Variants in DDX4 observed in about 807,000 individuals in gnomAD.
DDX4 encodes DEAD-box helicase 4.
In DDX4, 25 loss-of-function variants were observed where a neutral mutation model predicts 100.0. That is an observed-to-expected ratio of 0.25 (90% CI 0.18 to 0.35). The LOEUF (loss-of-function observed/expected upper bound fraction) is 0.35. Ranked by LOEUF, DDX4 falls within the 10% of genes least tolerant of loss-of-function variation. DDX4 has a pLI of 1.00. For missense variants in DDX4, 635 were observed against 882.4 expected (o/e 0.72, Z 3.55); for synonymous variants, 259 against 275.7 (o/e 0.94, Z 0.60).
chr5:55,776,119 C>CA (rs1232699741), intron 7 of DDX4, among the ~76,000 whole-genome samples: 3 of 151,476 alleles, frequency 2.0e-5, no homozygotes, highest in South Asian at 2.1e-4. Context: ...GACTCTGTCT[C>CA]AAAAAACAAA....
At chr5:55,808,717 G>C (rs1304091369) in intron 18 of DDX4, among the ~76,000 whole-genome samples, 1 of 152,250 alleles carries the variant, frequency 6.6e-6, no homozygotes, top group African/African-American at 2.4e-5. Flanking sequence ...TGAGGTGTCA[G>C]TCTGCCCCTA....
At chr5:55,769,820 C>G (rs954580129) in intron 7 of DDX4, among the ~76,000 whole-genome samples, 3 of 151,826 alleles carry the variant, frequency 2.0e-5, no homozygotes, top group African/African-American at 7.3e-5. Flanking sequence ...AACCAGATAC[C>G]TAGACCAGTG....
intron 10 of DDX4, among the ~76,000 whole-genome samples, chr5:55,782,798 CTTT>C (rs1274012590): frequency 1.5e-5 from 2 of 137,564 alleles, no homozygotes; most frequent in Admixed American, 7.2e-5. Context: ...TTTTTCTTTT[CTTT>C]TTTTTTTTTT....
chr5:55,745,536 C>G (rs894439418), intron 2 of DDX4, among the ~76,000 whole-genome samples: 1 of 152,154 alleles, frequency 6.6e-6, no homozygotes, highest in Non-Finnish European at 1.5e-5. Flanking sequence ...AACCTCCCAT[C>G]TCAGCCTCCC....
chr5:55,784,683 A>C (rs1742138876), intron 10 of DDX4, among the ~76,000 whole-genome samples: 2 of 152,026 alleles, frequency 1.3e-5, no homozygotes, highest in African/African-American at 4.8e-5. Flanking sequence ...TGCCAGGCAG[A>C]AGGTGAGTAC....
chr5:55,764,378 A>G (rs1464564445), intron 6 of DDX4, among the ~76,000 whole-genome samples: 1 of 152,204 alleles, frequency 6.6e-6, no homozygotes, highest in Non-Finnish European at 1.5e-5. Context: ...CTATATAAAT[A>G]CAGTTTGTGA....
chr5:55,780,097 A>G (rs1197193247), intron 8 of DDX4, 32 bp downstream of exon 8: 3 of 1,609,610 alleles, frequency 1.9e-6, no homozygotes, highest in Non-Finnish European at 1.7e-6. Context: ...GATGTGCTTC[A>G]TTAACTGTTA....
At chr5:55,766,894 G>A (rs369956247) in intron 6 of DDX4, 34 of 1,515,248 alleles carry the variant, frequency 2.2e-5, no homozygotes, top group East Asian at 2.0e-4. Flanking sequence ...TTTACATTTC[G>A]AAAAATCATT....
intron 18 of DDX4, among the ~76,000 whole-genome samples, chr5:55,802,384 A>G (rs1300957696): frequency 3.4e-4 from 52 of 152,252 alleles, no homozygotes; most frequent in Admixed American, 3.3e-3. Flanking sequence ...AGCCTTCTTC[A>G]TATATCCAGA....
At chr5:55,807,777 T>C (rs1034805801) in intron 18 of DDX4, among the ~76,000 whole-genome samples, 1 of 152,298 alleles carries the variant, frequency 6.6e-6, no homozygotes, top group Non-Finnish European at 1.5e-5. Context: ...ATTTCAACTT[T>C]GGTGAATCTG....
chr5:55,746,286 G>A, intron 3 of DDX4, 65 bp downstream of exon 3: 1 of 1,409,012 alleles, frequency 7.1e-7, no homozygotes, highest in South Asian at 1.3e-5. Flanking sequence ...TGAATGAAGA[G>A]CAGCAGACTA....
At chr5:55,792,920 A>G in intron 17 of DDX4, 113 bp downstream of exon 17, 1 of 616,282 alleles carries the variant, frequency 1.6e-6, no homozygotes, top group African/African-American at 1.9e-5. Context: ...ATTTTAATAT[A>G]GGTAGTTTAA....
intron 10 of DDX4, among the ~76,000 whole-genome samples, chr5:55,782,818 CAG>C (rs1457398937): frequency 7.1e-6 from 1 of 140,276 alleles, no homozygotes; most frequent in East Asian, 2.1e-4. Flanking sequence ...TTTTTTGAGA[CAG>C]AGTCTCACTC....
intron 3 of DDX4, 67 bp from the exon 4 acceptor site, chr5:55,760,133 G>C (rs950159316): frequency 6.6e-7 from 1 of 1,513,210 alleles, no homozygotes; most frequent in Non-Finnish European, 8.8e-7. Context: ...GGCACAGAAG[G>C]CTTAAGGTTT....
chr5:55,810,526 C>A (rs1377667792), intron 18 of DDX4, among the ~76,000 whole-genome samples: 1 of 152,148 alleles, frequency 6.6e-6, no homozygotes, highest in Non-Finnish European at 1.5e-5. Context: ...CATGTCAGTA[C>A]TCAAAGAGTT....
chr5:55,755,819 T>C (rs1004293116), intron 3 of DDX4, among the ~76,000 whole-genome samples: 1 of 152,126 alleles, frequency 6.6e-6, no homozygotes, highest in African/African-American at 2.4e-5. Flanking sequence ...TATCAGAAGC[T>C]GAACACTCCC....
chr5:55,797,719 T>C (rs1374360124), intron 17 of DDX4, among the ~76,000 whole-genome samples: 1 of 152,228 alleles, frequency 6.6e-6, no homozygotes, highest in Admixed American at 6.5e-5. Context: ...TCCACTCCCC[T>C]ATATTTCTAT....
intron 3 of DDX4, among the ~76,000 whole-genome samples, chr5:55,756,067 A>T (rs138681549): frequency 1.2e-4 from 19 of 152,204 alleles, no homozygotes; most frequent in Non-Finnish European, 2.2e-4. Flanking sequence ...TTGTGGATGT[A>T]TGATATTCCC....
chr5:55,760,814 G>A (rs1440782285), intron 4 of DDX4, among the ~76,000 whole-genome samples: 14 of 152,090 alleles, frequency 9.2e-5, no homozygotes, highest in Admixed American at 9.2e-4. Flanking sequence ...TCCATTTTTA[G>A]ACTTAATATT....
Sources: allele counts gnomAD v4.1 joint callset (sites outside exome capture counted in the v4.1 genomes callset), GRCh38; gene constraint gnomAD v4.1.1; transcripts MANE v1.5; gene names NCBI Gene and HGNC (gene_info 2026-07-23, HGNC 2026-07-21).